Variants in FSTL5 observed in about 807,000 individuals in gnomAD.
FSTL5 encodes follistatin-related protein 5.
A neutral mutation model predicts 89.1 loss-of-function variants in FSTL5; 62 were observed. The ratio of observed to expected loss-of-function variants is 0.70; its 90% CI spans 0.57 to 0.86. The LOEUF (loss-of-function observed/expected upper bound fraction) is 0.86. FSTL5 is among the 40% of genes least tolerant of loss of function. The probability of loss-of-function intolerance (pLI) is 0.00; values close to 1 mark genes in which losing one functional copy is unlikely to be tolerated. For synonymous variants in FSTL5, 383 were observed against 346.2 expected (o/e 1.11, Z -1.18); for missense variants, 1,057 against 1,001.6 (o/e 1.06, Z -0.75).
intron 3 of FSTL5, among the ~76,000 whole-genome samples, chr4:161,988,047 T>C (rs956972866): frequency 6.7e-6 from 1 of 148,658 alleles, no homozygotes; most frequent in Non-Finnish European, 1.5e-5. Flanking sequence ...GAATAAATGA[T>C]TGGACTAAAA....
At chr4:162,033,838 G>T (rs1737630762) in intron 2 of FSTL5, among the ~76,000 whole-genome samples, 180 bp from the exon 3 acceptor site, 1 of 151,936 alleles carries the variant, frequency 6.6e-6, no homozygotes, top group Non-Finnish European at 1.5e-5. Context: ...TTGCCCTGTT[G>T]CCCAGGCTGG....
intron 8 of FSTL5, among the ~76,000 whole-genome samples, chr4:161,556,603 A>G (rs749518152): frequency 6.6e-6 from 1 of 151,618 alleles, no homozygotes; most frequent in Non-Finnish European, 1.5e-5. Context: ...ACTTTAAAAT[A>G]TAAAAACTAT....
rs79387064 is a variant in FSTL5, at chr4:162,035,550, T to A, written c.127-1892A>T. On this transcript the variant is annotated intron_variant, in intron 2 of 15. Coordinates refer to ENST00000306100, the MANE Select transcript of FSTL5 (RefSeq NM_020116.5). Reference sequence around the variant, plus strand: ...GTGGACTGGATCAAAGGAAGGAAATTTAATAGGAAATACAATCTGGGCAGT... The same window carrying A: ...GTGGACTGGATCAAAGGAAGGAAATATAATAGGAAATACAATCTGGGCAGT... 6.1e-4 allele frequency among the ~76,000 whole-genome samples: 93 copies of A among 152,000 alleles called. 1 individual carries two copies. The East Asian group carries it at 0.015, about 25-fold the overall frequency.
chr4:161,807,759 T>C (rs1003840157), intron 4 of FSTL5, among the ~76,000 whole-genome samples: 2 of 152,192 alleles, frequency 1.3e-5, no homozygotes, highest in East Asian at 1.9e-4. Context: ...TGTATATTAA[T>C]TTGCTTGCAA....
chr4:161,485,120 T>C (rs1729633865), intron 12 of FSTL5, among the ~76,000 whole-genome samples: 1 of 152,238 alleles, frequency 6.6e-6, no homozygotes, highest in Non-Finnish European at 1.5e-5. Context: ...CATGTTATAA[T>C]GACAGACATA....
chr4:161,798,640 A>C (rs1485557027), intron 4 of FSTL5, among the ~76,000 whole-genome samples: 1 of 151,640 alleles, frequency 6.6e-6, no homozygotes, highest in African/African-American at 2.4e-5. Flanking sequence ...ATTTGGTCCA[A>C]CAAACTGATT....
At chr4:162,133,915 T>C (rs918221508) in intron 1 of FSTL5, among the ~76,000 whole-genome samples, 6 of 152,208 alleles carry the variant, frequency 3.9e-5, no homozygotes, top group Non-Finnish European at 1.5e-5. Context: ...TGAGATTCTC[T>C]GACGACCTTG....
chr4:162,137,711 G>GTT (rs1308835337), intron 1 of FSTL5, among the ~76,000 whole-genome samples: 5 of 152,108 alleles, frequency 3.3e-5, no homozygotes, highest in African/African-American at 1.2e-4. Flanking sequence ...TTTGGAAAAG[G>GTT]TTTATCCTGT....
intron 10 of FSTL5, among the ~76,000 whole-genome samples, chr4:161,524,942 A>G (rs538551389): frequency 6.6e-6 from 1 of 151,158 alleles, no homozygotes; most frequent in South Asian, 2.1e-4. Flanking sequence ...TGGGCAACAG[A>G]GCAAGACTCC....
chr4:161,546,573 GAGAACAC>G (rs1732014759), intron 8 of FSTL5, among the ~76,000 whole-genome samples: 1 of 151,582 alleles, frequency 6.6e-6, no homozygotes. Context: ...AAAAACTAAA[GAGAACAC>G]ATTATAGACA....
intron 3 of FSTL5, among the ~76,000 whole-genome samples, chr4:161,989,333 A>G (rs1223877657): frequency 6.6e-6 from 1 of 152,162 alleles, no homozygotes; most frequent in Non-Finnish European, 1.5e-5. Context: ...ATTCCCAGTA[A>G]TCAATATGCT....
chr4:162,033,553 G>T, intron 3 of FSTL5, 72 bp downstream of exon 3: 2 of 753,250 alleles, frequency 2.7e-6, no homozygotes, highest in Non-Finnish European at 4.3e-6. Flanking sequence ...TTTATTCAAA[G>T]TAGCATCACA....
At position 161,783,726 on chromosome 4, in the gene FSTL5, C is replaced by A. The variant is rs866445552; in HGVS notation, c.410-7652G>T. Among the ~76,000 whole-genome samples, 4 of 16,246 alleles carry A rather than the reference C, an allele frequency of 2.5e-4. 1 individual carries two copies. In the East Asian group the frequency reaches 6.2e-3, roughly 25 times the overall value. 10.7% of individuals were successfully genotyped at this position (16,246 alleles called of 152,430 possible). On this transcript the variant is annotated intron_variant, in intron 4 of 15. Coordinates refer to ENST00000306100, the MANE Select transcript of FSTL5 (RefSeq NM_020116.5). ...TTCTTTCTTTCTTTCTTTCTTTCTTCTTTTCTTTTCTTTCTTTCTTTCTTT... is the reference window on the plus strand; with the variant it reads ...TTCTTTCTTTCTTTCTTTCTTTCTTATTTTCTTTTCTTTCTTTCTTTCTTT...
chr4:161,415,523 G>A (rs1172781071), intron 15 of FSTL5, among the ~76,000 whole-genome samples: 1 of 152,008 alleles, frequency 6.6e-6, no homozygotes, highest in Non-Finnish European at 1.5e-5. Flanking sequence ...CCAAAGTGCT[G>A]GGATTTCAGG....
chr4:162,077,302 C>A (rs541835191), intron 2 of FSTL5, among the ~76,000 whole-genome samples: 2 of 151,886 alleles, frequency 1.3e-5, no homozygotes, highest in East Asian at 3.9e-4. Context: ...TTAATCCATT[C>A]ATGAGGGTGG....
chr4:161,430,565 C>T (rs1312020140), intron 15 of FSTL5, among the ~76,000 whole-genome samples: 2 of 152,054 alleles, frequency 1.3e-5, no homozygotes, highest in Non-Finnish European at 2.9e-5. Flanking sequence ...ACGGTGAAAC[C>T]CCGTCTCTAC....
chr4:161,419,083 T>A (rs912975451), intron 15 of FSTL5, among the ~76,000 whole-genome samples: 4 of 152,224 alleles, frequency 2.6e-5, no homozygotes, highest in African/African-American at 4.8e-5. Flanking sequence ...CATTTCAATC[T>A]ATTTCATGTA....
intron 5 of FSTL5, among the ~76,000 whole-genome samples, chr4:161,764,628 A>T (rs932269451): frequency 6.8e-6 from 1 of 146,152 alleles, no homozygotes; most frequent in African/African-American, 2.5e-5. Flanking sequence ...AAAGTGCCTA[A>T]TATAACATTT....
intron 3 of FSTL5, among the ~76,000 whole-genome samples, chr4:162,003,994 C>G: frequency 6.6e-6 from 1 of 152,136 alleles, no homozygotes; most frequent in East Asian, 1.9e-4. Context: ...AGACCTAATT[C>G]ATAAGTCAGA....
Sources: allele counts gnomAD v4.1 joint callset (sites outside exome capture counted in the v4.1 genomes callset), GRCh38; gene constraint gnomAD v4.1.1; transcripts MANE v1.5; gene names NCBI Gene and HGNC (gene_info 2026-07-23, HGNC 2026-07-21).